Variants in ZNF469 observed in about 807,000 individuals in gnomAD.
ZNF469 encodes zinc finger protein 469.
In ZNF469, 1 loss-of-function variant was observed where a neutral mutation model predicts 1.0. The ratio of observed to expected loss-of-function variants is 1.00; its 90% CI spans 0.35 to 4.73. ZNF469 has a LOEUF of 4.73. Among genes scored for constraint, ZNF469 ranks in the 30% most tolerant of loss-of-function variants. The pLI is 0.16. For synonymous variants in ZNF469, 2,703 were observed against 2,363.4 expected, an observed-to-expected ratio of 1.14 and a Z score of -4.17; for missense variants, 6,100 against 5,356.3, an observed-to-expected ratio of 1.14 and a Z score of -4.33.
At chr16:88,316,903 G>C in the ZNF469 span, among the ~76,000 whole-genome samples, 1 of 152,096 alleles carries the variant, frequency 6.6e-6, no homozygotes, top group East Asian at 1.9e-4. Context: ...CGAAGCTGGG[G>C]TCCTCCTTGA....
chr16:88,225,686 G>A, the ZNF469 span, among the ~76,000 whole-genome samples: 6 of 152,272 alleles, frequency 3.9e-5, no homozygotes, highest in African/African-American at 1.4e-4. Context: ...TGGGATTGGT[G>A]TCCTTACAAA....
At chr16:88,322,948 T>C in the ZNF469 span, among the ~76,000 whole-genome samples, 2 of 152,216 alleles carry the variant, frequency 1.3e-5, no homozygotes, top group Admixed American at 1.3e-4. Flanking sequence ...CGGCTCCTCC[T>C]GTCTCTCCCA....
the ZNF469 span, among the ~76,000 whole-genome samples, chr16:88,348,774 C>T: frequency 6.6e-6 from 1 of 152,180 alleles, no homozygotes; most frequent in Non-Finnish European, 1.5e-5. Context: ...CCCCAACTCT[C>T]CAGGTGAAGA....
the ZNF469 span, among the ~76,000 whole-genome samples, chr16:88,365,706 T>C: frequency 6.6e-6 from 1 of 152,200 alleles, no homozygotes; most frequent in Non-Finnish European, 1.5e-5. Flanking sequence ...TCCATGGTGC[T>C]GGTATGGCTT....
At chr16:88,211,343 G>T in the ZNF469 span, among the ~76,000 whole-genome samples, 5 of 152,330 alleles carry the variant, frequency 3.3e-5, no homozygotes, top group East Asian at 1.9e-4. Context: ...TCGTCTACAA[G>T]GCAGGCATTA....
At chr16:88,270,566 A>T in the ZNF469 span, among the ~76,000 whole-genome samples, 2 of 152,212 alleles carry the variant, frequency 1.3e-5, no homozygotes, top group East Asian at 1.9e-4. Context: ...CCAGACAGTG[A>T]CATTCCATCC....
chr16:88,203,363 C>T, the ZNF469 span, among the ~76,000 whole-genome samples: 27 of 152,310 alleles, frequency 1.8e-4, no homozygotes, highest in Middle Eastern at 3.4e-3. Flanking sequence ...TCAGCGAGTC[C>T]GCACACAGGT....
the ZNF469 span, among the ~76,000 whole-genome samples, chr16:88,143,278 C>A: frequency 1.3e-5 from 2 of 152,256 alleles, no homozygotes; most frequent in African/African-American, 4.8e-5. Context: ...ACCTGTTCAA[C>A]ACCATGAAGA....
rs980210517 is a variant in ZNF469 at position 88,434,872 on chromosome 16, C to G, written c.7402C>G (p.Pro2468Ala). 7 of 1,550,260 alleles carry G rather than the reference C, an allele frequency of 4.5e-6. No homozygotes were observed. In the African/African-American group the frequency reaches 9.6e-5, roughly 21 times the overall value. Reference sequence around the variant, plus strand: ...GAACGGCCAGTGGAAGGGCCAAGCTCCACATGGGCCTGTGACCTGTGAGGT... The same window carrying G: ...GAACGGCCAGTGGAAGGGCCAAGCTGCACATGGGCCTGTGACCTGTGAGGT... ...TENGQWKGQA[P>A]HGPVTCEVCA... The change falls in exon 3 of 3, where the codon CCA (proline) becomes GCA (alanine). Residue 2468 changes from proline (P) to alanine (A), a missense_variant. Transcript: ENST00000565624.
chr16:88,379,377 C>A (rs141768826), upstream of ZNF469, among the ~76,000 whole-genome samples: 2 of 152,148 alleles, frequency 1.3e-5, no homozygotes. Context: ...ACACAGGGGA[C>A]CTTCCCAGCC....
In ZNF469 at chr16:88,433,926, A is replaced by C. The variant is rs1340246152; in HGVS notation, c.6456A>C (p.Ala2152=). 1.9e-6 allele frequency: 3 copies of C among 1,549,542 alleles called. No individual in the cohort carries two copies. The South Asian group carries it at 3.6e-5, about 18-fold the overall frequency. The change falls in exon 3 of 3, where the codon GCA becomes GCC. Residue 2152 remains alanine, a synonymous_variant. Transcript: ENST00000565624. ...GTGGGCTGGGGGGGCAGCTGCCAGC[A>C]TCTCCGTCCTGCAGGGACCCTCCCG... is the stretch of plus-strand genomic sequence containing the variant. ...AQGGLGGQLP[A]SPSCRDPPGP... is the part of the protein sequence containing the mutation.
chr16:88,438,774 C>T lies in ZNF469; in HGVS notation c.11304C>T (p.Pro3768=). 6.5e-7 allele frequency: 1 copy of T among 1,550,168 alleles called. No homozygotes were observed. Among genetic ancestry groups the T allele is most frequent in the Non-Finnish European group, 8.7e-7 (1 of 1,146,904 alleles). The part of the protein sequence containing the change: ...QSETATTPAK[P]SFPSRSPAPE... ...AGACAGCCACCACCCCAGCCAAGCC[C>T]AGCTTCCCCAGCCGGAGCCCTGCAC... Residue 3768 remains proline (P), a synonymous_variant, in exon 3 of 3, where the codon CCC becomes CCT. Coordinates refer to ENST00000565624, the MANE Select transcript of ZNF469 (RefSeq NM_001367624.2).
the ZNF469 span, among the ~76,000 whole-genome samples, chr16:88,220,860 C>G: frequency 6.6e-6 from 1 of 152,224 alleles, no homozygotes; most frequent in Non-Finnish European, 1.5e-5. Context: ...GGGCGTTTCT[C>G]CAATACATTG....
At chr16:88,221,479 G>T in the ZNF469 span, among the ~76,000 whole-genome samples, 1 of 152,194 alleles carries the variant, frequency 6.6e-6, no homozygotes, top group Non-Finnish European at 1.5e-5. Context: ...CCTTGTAGAC[G>T]AGCAAGAATG....
the ZNF469 span, among the ~76,000 whole-genome samples, chr16:88,265,078 G>A: frequency 3.2e-4 from 48 of 152,040 alleles, no homozygotes; most frequent in South Asian, 3.1e-3. Context: ...TTCAGGTTTC[G>A]GCAGCTGCCA....
At chr16:88,243,932 ATATATATATATATATAT>A in the ZNF469 span, among the ~76,000 whole-genome samples, 22 of 103,954 alleles carry the variant, frequency 2.1e-4, 1 homozygote, top group Admixed American at 9.0e-4. Context: ...ATATATATAT[ATATATATATATATATAT>A]ATAAATGTAT....
chr16:88,101,951 G>A, the ZNF469 span, among the ~76,000 whole-genome samples: 2 of 152,284 alleles, frequency 1.3e-5, no homozygotes, highest in Non-Finnish European at 2.9e-5. Flanking sequence ...CCTGGTGAGG[G>A]TGGCAGGTCA....
At chr16:88,324,190 TC>T in the ZNF469 span, among the ~76,000 whole-genome samples, 1 of 152,284 alleles carries the variant, frequency 6.6e-6, no homozygotes, top group African/African-American at 2.4e-5. Context: ...GAGGGCTGGG[TC>T]CCAAGAGGCA....
At chr16:88,131,615 C>A in the ZNF469 span, among the ~76,000 whole-genome samples, 1 of 152,238 alleles carries the variant, frequency 6.6e-6, no homozygotes, top group Non-Finnish European at 1.5e-5. Context: ...ACCGAATGCC[C>A]CTTGGGCTTG....
Sources: gnomAD v4.1 joint callset for allele counts (sites outside exome capture counted in the v4.1 genomes callset) on GRCh38, gnomAD v4.1.1 for gene constraint, MANE v1.5 for transcripts, NCBI Gene and HGNC (gene_info 2026-07-23, HGNC 2026-07-21) for gene names.